The following NFIB variants were observed in gnomAD, a reference collection of about 807,000 sequenced individuals.
NFIB encodes the protein nuclear factor I B.
NFIB carries 11 observed loss-of-function variants against 61.5 expected under a neutral mutation model. The ratio of observed to expected loss-of-function variants is 0.18; its 90% CI spans 0.11 to 0.30. The LOEUF (loss-of-function observed/expected upper bound fraction) is 0.30. NFIB is among the 10% of genes least tolerant of loss of function. The pLI is 1.00. For missense variants in NFIB, 471 were observed against 608.9 expected, an observed-to-expected ratio of 0.77 and a Z score of 2.38; for synonymous variants, 260 against 216.5, an observed-to-expected ratio of 1.20 and a Z score of -1.76.
chr9:14,392,995 C>T (rs1033317738), intron 1 of NFIB, among the ~76,000 whole-genome samples: 4 of 152,180 alleles, frequency 2.6e-5, no homozygotes, highest in East Asian at 1.9e-4. Flanking sequence ...AACGGTCTTG[C>T]GAATCTTATC....
the NFIB span, among the ~76,000 whole-genome samples, chr9:14,414,160 G>A: frequency 3.3e-5 from 5 of 152,086 alleles, no homozygotes; most frequent in African/African-American, 7.2e-5. Flanking sequence ...GATATGGGCC[G>A]GGTGTGGTGG....
At chr9:14,424,575 AT>A in the NFIB span, among the ~76,000 whole-genome samples, 1 of 152,148 alleles carries the variant, frequency 6.6e-6, no homozygotes, top group African/African-American at 2.4e-5. Context: ...AAGAAATACA[AT>A]TTTATTATCT....
In NFIB at chr9:14,169,349, G is replaced by A. The variant is rs547800222; in HGVS notation, c.616+10378C>T. 3.3e-5 allele frequency among the ~76,000 whole-genome samples: 5 copies of A among 152,248 alleles called. No individual in the cohort carries two copies. The South Asian group carries it at 1.0e-3, about 32-fold the overall frequency. ...GCGCAAGGGGAAGATATGTCTAGTG[G>A]AATCAGGAATTAAAATATCTCAGCA... On this transcript the variant is annotated intron_variant, in intron 3 of 10. Coordinates refer to ENST00000380953, the MANE Select transcript of NFIB (RefSeq NM_001190737.2).
At chr9:14,375,546 G>A (rs1027522204) in intron 1 of NFIB, among the ~76,000 whole-genome samples, 11 of 151,984 alleles carry the variant, frequency 7.2e-5, no homozygotes, top group African/African-American at 1.9e-4. Flanking sequence ...CAATCCCAGC[G>A]ACTTGGGAGG....
chr9:14,288,697 T>C (rs2058876315), intron 2 of NFIB, among the ~76,000 whole-genome samples: 1 of 152,056 alleles, frequency 6.6e-6, no homozygotes, highest in African/African-American at 2.4e-5. Flanking sequence ...GGTTAGTTAG[T>C]TGTATACTTG....
At chr9:14,405,950 A>G in the NFIB span, among the ~76,000 whole-genome samples, 1 of 152,200 alleles carries the variant, frequency 6.6e-6, no homozygotes, top group Non-Finnish European at 1.5e-5. Context: ...TATATTAGAA[A>G]TCTACTAGGT....
At chr9:14,113,900 C>T (rs1009319338) in intron 9 of NFIB, among the ~76,000 whole-genome samples, 6 of 151,360 alleles carry the variant, frequency 4.0e-5, no homozygotes, top group African/African-American at 1.5e-4. Flanking sequence ...TTTTCACACA[C>T]ACAAAAAAAA....
the NFIB span, among the ~76,000 whole-genome samples, chr9:14,494,788 C>T: frequency 6.6e-6 from 1 of 152,126 alleles, no homozygotes; most frequent in African/African-American, 2.4e-5. Context: ...CATGTTTGTG[C>T]CTCTGAAGTC....
chr9:14,302,570 G>C (rs553107606), intron 2 of NFIB, among the ~76,000 whole-genome samples: 1 of 152,174 alleles, frequency 6.6e-6, no homozygotes, highest in Non-Finnish European at 1.5e-5. Flanking sequence ...TTTAATAAGA[G>C]TGCAAAGTAC....
At chr9:14,354,436 A>G (rs1201309753) in intron 1 of NFIB, among the ~76,000 whole-genome samples, 1 of 152,212 alleles carries the variant, frequency 6.6e-6, no homozygotes, top group African/African-American at 2.4e-5. Flanking sequence ...TATATGCTTC[A>G]ATAGTTCCAG....
At chr9:14,449,709 C>A in the NFIB span, among the ~76,000 whole-genome samples, 9 of 152,144 alleles carry the variant, frequency 5.9e-5, no homozygotes, top group East Asian at 3.9e-4. Context: ...GCGGGTGGAT[C>A]ACCTGAGGTC....
At chr9:14,298,590 A>T (rs2059576380) in intron 2 of NFIB, among the ~76,000 whole-genome samples, 1 of 152,096 alleles carries the variant, frequency 6.6e-6, no homozygotes, top group East Asian at 1.9e-4. Context: ...CAAACAAAAG[A>T]AAGTCACTTC....
intron 10 of NFIB, among the ~76,000 whole-genome samples, chr9:14,100,201 A>C (rs1299350085): frequency 6.6e-6 from 1 of 152,198 alleles, no homozygotes; most frequent in Non-Finnish European, 1.5e-5. Flanking sequence ...GGGAAGAAAC[A>C]TTTTACCTAA....
At chr9:14,171,710 CA>C (rs1191653735) in intron 3 of NFIB, among the ~76,000 whole-genome samples, 6 of 151,960 alleles carry the variant, frequency 3.9e-5, no homozygotes, top group Non-Finnish European at 7.4e-5. Context: ...ACAAAGAAAA[CA>C]AAAAACCCAA....
intron 2 of NFIB, among the ~76,000 whole-genome samples, chr9:14,277,317 C>CCGCGCACACACGTG (rs1563968044): frequency 6.9e-6 from 1 of 144,952 alleles, no homozygotes; most frequent in Admixed American, 7.2e-5. Flanking sequence ...GCATGTGCAC[C>CCGCGCACACACGTG]CGCGCACACA....
At chr9:14,523,505 C>A in the NFIB span, among the ~76,000 whole-genome samples, 5 of 152,066 alleles carry the variant, frequency 3.3e-5, no homozygotes, top group Non-Finnish European at 5.9e-5. Flanking sequence ...CCAGCCCATG[C>A]CAGAGACCTT....
At chr9:14,472,159 T>C in the NFIB span, among the ~76,000 whole-genome samples, 1 of 152,348 alleles carries the variant, frequency 6.6e-6, no homozygotes, top group East Asian at 1.9e-4. Context: ...CTATGTTGTG[T>C]CCCTTGCAAT....
rs144220396 is a variant in NFIB at position 14,281,819 on chromosome 9, G to GCA, written c.562+25168_562+25169dup. Among the ~76,000 whole-genome samples the GCA allele has an allele frequency of 6.2e-3, 946 of 151,586 alleles. 9 individuals are homozygous for GCA. The highest frequency in any genetic ancestry group is 0.021 in the African/African-American group (889 of 41,352). Reference sequence around the variant, plus strand: ...AGGTTGTGTTCTCACACGTTCACATGCACACACACACACGTGCACACCCCA... The same window carrying GCA: ...AGGTTGTGTTCTCACACGTTCACATGCACACACACACACACGTGCACACCCCA... On this transcript the variant is annotated intron_variant, in intron 2 of 10. Coordinates refer to ENST00000380953, the MANE Select transcript of NFIB (RefSeq NM_001190737.2).
the NFIB span, among the ~76,000 whole-genome samples, chr9:14,482,462 C>A: frequency 6.6e-6 from 1 of 152,186 alleles, no homozygotes; most frequent in Non-Finnish European, 1.5e-5. Flanking sequence ...CACCCCCTCA[C>A]CATGTTCTTA....
Sources: allele counts gnomAD v4.1 joint callset (sites outside exome capture counted in the v4.1 genomes callset), GRCh38; gene constraint gnomAD v4.1.1; transcripts MANE v1.5; gene names NCBI Gene and HGNC (gene_info 2026-07-23, HGNC 2026-07-21).